CCDC141: variants seen among roughly 807,000 people sequenced by gnomAD.
The protein encoded by CCDC141 is coiled-coil domain containing 141.
Under a neutral mutation model 181.0 loss-of-function variants are expected in CCDC141, and 168 were observed. The observed-to-expected ratio is 0.93, with a 90% CI of 0.82 to 1.05. CCDC141 has a LOEUF of 1.05. Among genes scored for constraint, CCDC141 ranks in the 50% least tolerant of loss-of-function variants. The pLI, the probability that CCDC141 is intolerant of heterozygous loss-of-function variation, is 0.00. For synonymous variants in CCDC141, 666 were observed against 642.3 expected (o/e 1.04, Z -0.56); for missense variants, 1,902 against 1,788.5 (o/e 1.06, Z -1.14).
chr2:178,942,784 T>G (rs910367425), intron 6 of CCDC141, among the ~76,000 whole-genome samples: 4 of 152,136 alleles, frequency 2.6e-5, no homozygotes, highest in African/African-American at 9.6e-5. Flanking sequence ...GAAATCTTTA[T>G]GCCTTCCTCT....
In CCDC141 at chr2:178,992,435, A is replaced by G. The variant is rs187830236; in HGVS notation, c.226-13760T>C. Among the ~76,000 whole-genome samples the G allele has an allele frequency of 7.7e-3, 1,149 of 149,250 alleles. 5 individuals are homozygous for G. The highest frequency in any genetic ancestry group is 0.01 in the Non-Finnish European group (695 of 67,604). ...GAATCATGGACCTAAGTTGTCTCCA[A>G]TTATTCTTCTTGAACAGTCCTTTCC... is the stretch of plus-strand genomic sequence containing the variant. On this transcript the variant is annotated intron_variant, in intron 2 of 23. Transcript: ENST00000443758.
intron 2 of CCDC141, among the ~76,000 whole-genome samples, chr2:178,992,178 T>C (rs1388060408): frequency 2.0e-5 from 3 of 151,988 alleles, no homozygotes; most frequent in Non-Finnish European, 2.9e-5. Context: ...TGGGTAGACA[T>C]GTATTTTCAT....
chr2:178,871,660 A>G, intron 13 of CCDC141, 108 bp from the exon 14 acceptor site: 2 of 1,272,878 alleles, frequency 1.6e-6, no homozygotes, highest in Non-Finnish European at 2.2e-6. Context: ...AAACCCCATG[A>G]AAACACTCAG....
At chr2:178,884,157 T>C (rs144966306) in intron 11 of CCDC141, among the ~76,000 whole-genome samples, 53 of 151,976 alleles carry the variant, frequency 3.5e-4, no homozygotes, top group Non-Finnish European at 6.5e-4. Context: ...TATACCACAG[T>C]ATCCACATGC....
chr2:178,850,187 T>C, intron 20 of CCDC141, 26 bp from the exon 21 acceptor site: 2 of 1,271,646 alleles, frequency 1.6e-6, no homozygotes, highest in South Asian at 2.4e-5. Flanking sequence ...ATGAAACTAG[T>C]TTTAAAGGTC....
intron 5 of CCDC141, among the ~76,000 whole-genome samples, chr2:178,957,918 G>C (rs1265479346): frequency 6.6e-6 from 1 of 152,146 alleles, no homozygotes; most frequent in Non-Finnish European, 1.5e-5. Flanking sequence ...TGTAGAGACA[G>C]GGTCTCCTTA....
chr2:178,955,586 AAC>A (rs1473229007), intron 5 of CCDC141, among the ~76,000 whole-genome samples: 1 of 152,084 alleles, frequency 6.6e-6, no homozygotes, highest in African/African-American at 2.4e-5. Flanking sequence ...GTAACAAAAA[AAC>A]AGGTTATAAT....
At chr2:178,908,599 A>G (rs2154373366) in intron 7 of CCDC141, among the ~76,000 whole-genome samples, 1 of 152,338 alleles carries the variant, frequency 6.6e-6, no homozygotes, top group South Asian at 2.1e-4. Context: ...GAATTAGTGC[A>G]TGTAGTAACA....
Position 178,837,659 on chromosome 2 carries a change from T to G in CCDC141, c.3560A>C (p.Lys1187Thr). 6.2e-7 allele frequency: 1 copy of G among 1,613,968 alleles called. No homozygotes were observed. Among genetic ancestry groups the G allele is most frequent in the South Asian group, 1.1e-5 (1 of 91,086 alleles). The change falls in exon 23 of 24, where the codon AAG becomes ACG. Residue 1187 changes from lysine (K) to threonine (T), a missense_variant. Coordinates refer to ENST00000443758, the MANE Select transcript of CCDC141 (RefSeq NM_173648.4). Reference protein sequence around the residue: ...LPQDLKVSTDKEGGVQDLLLP... With the variant: ...LPQDLKVSTDTEGGVQDLLLP... ...GAGCAGGTCCTGGACGCCACCCTCCTTGTCAGTGGACACCTTCAGGTCTTG... is the reference window on the plus strand; with the variant it reads ...GAGCAGGTCCTGGACGCCACCCTCCGTGTCAGTGGACACCTTCAGGTCTTG...
chr2:178,994,175 T>G (rs191697310), intron 2 of CCDC141, among the ~76,000 whole-genome samples: 38 of 152,324 alleles, frequency 2.5e-4, no homozygotes, highest in African/African-American at 9.1e-4. Flanking sequence ...GTTTGTGGGC[T>G]CCAACCCCAC....
At chr2:178,914,574 C>A (rs1018592860) in intron 7 of CCDC141, among the ~76,000 whole-genome samples, 32 of 152,194 alleles carry the variant, frequency 2.1e-4, no homozygotes, top group African/African-American at 7.7e-4. Flanking sequence ...TAAAGGTAAT[C>A]AATTGCACTC....
chr2:178,827,053 A>G (rs1684136176), downstream of CCDC141, among the ~76,000 whole-genome samples: 1 of 152,096 alleles, frequency 6.6e-6, no homozygotes, highest in Admixed American at 6.5e-5. Flanking sequence ...GATAAGTTAT[A>G]TTGGTAATTT....
At chr2:178,942,399 G>A (rs1437317487) in intron 6 of CCDC141, among the ~76,000 whole-genome samples, 5 of 152,254 alleles carry the variant, frequency 3.3e-5, no homozygotes, top group African/African-American at 1.2e-4. Flanking sequence ...ACACCAATCT[G>A]AAAGCCTACA....
chr2:178,915,404 C>A (rs1688402008), intron 7 of CCDC141, among the ~76,000 whole-genome samples: 1 of 151,798 alleles, frequency 6.6e-6, no homozygotes, highest in African/African-American at 2.4e-5. Context: ...CACTTTTTAC[C>A]AAGCAGATAT....
chr2:178,963,762 T>C (rs1285338317), intron 4 of CCDC141, among the ~76,000 whole-genome samples: 4 of 152,140 alleles, frequency 2.6e-5, no homozygotes, highest in Admixed American at 2.6e-4. Flanking sequence ...TTATTCCACA[T>C]GACCTAGATC....
intron 11 of CCDC141, among the ~76,000 whole-genome samples, chr2:178,883,020 A>T (rs1686701365): frequency 6.6e-6 from 1 of 152,180 alleles, no homozygotes; most frequent in Admixed American, 6.5e-5. Flanking sequence ...TTTAGCAGAA[A>T]ATAGAAAGCA....
intron 7 of CCDC141, among the ~76,000 whole-genome samples, chr2:178,914,478 C>T (rs142618624): frequency 6.6e-6 from 1 of 152,142 alleles, no homozygotes; most frequent in Non-Finnish European, 1.5e-5. Flanking sequence ...TCCAAACATC[C>T]GTATCTCAAG....
At chr2:178,885,263 A>C (rs992016699) in intron 10 of CCDC141, among the ~76,000 whole-genome samples, 171 bp from the exon 11 acceptor site, 2 of 150,286 alleles carry the variant, frequency 1.3e-5, no homozygotes, top group Non-Finnish European at 3.0e-5. Context: ...AAAAAAGGGC[A>C]CTTTAGAATG....
At chr2:179,007,145 A>T (rs1449378970) in intron 2 of CCDC141, among the ~76,000 whole-genome samples, 1 of 152,186 alleles carries the variant, frequency 6.6e-6, no homozygotes, top group Non-Finnish European at 1.5e-5. Context: ...TGCTGAGGGT[A>T]TCTGTAAAGA....
Sources: gnomAD v4.1 joint callset for allele counts (sites outside exome capture counted in the v4.1 genomes callset) on GRCh38, gnomAD v4.1.1 for gene constraint, MANE v1.5 for transcripts, NCBI Gene and HGNC (gene_info 2026-07-23, HGNC 2026-07-21) for gene names.